Variants in PARD3B observed in about 807,000 individuals in gnomAD.
The protein encoded by PARD3B is par-3 family cell polarity regulator beta.
PARD3B carries 103 observed loss-of-function variants against 130.2 expected under a neutral mutation model. The ratio of observed to expected loss-of-function variants is 0.79; its 90% CI spans 0.67 to 0.93. The LOEUF (loss-of-function observed/expected upper bound fraction) is 0.93, where lower values mean the gene tolerates loss of function less well. Ranked by LOEUF, PARD3B falls within the 40% of genes least tolerant of loss-of-function variation. PARD3B has a pLI of 0.00. For synonymous variants in PARD3B, 583 were observed against 553.2 expected (o/e 1.05, Z -0.76); for missense variants, 1,609 against 1,499.2 (o/e 1.07, Z -1.21).
chr2:205,577,758 G>A (rs1304581349), intron 22 of PARD3B, among the ~76,000 whole-genome samples: 2 of 152,164 alleles, frequency 1.3e-5, no homozygotes, highest in Non-Finnish European at 2.9e-5. Context: ...GTCTCCAAGA[G>A]TGTTCAAGTC....
intron 4 of PARD3B, among the ~76,000 whole-genome samples, chr2:205,080,228 T>C (rs1277566249): frequency 6.6e-6 from 1 of 152,168 alleles, no homozygotes; most frequent in African/African-American, 2.4e-5. Flanking sequence ...TTTTCTTGAT[T>C]TGTCAACTTT....
chr2:205,134,449 A>G (rs1487919297), intron 10 of PARD3B, among the ~76,000 whole-genome samples: 1 of 151,466 alleles, frequency 6.6e-6, no homozygotes, highest in Non-Finnish European at 1.5e-5. Context: ...ATCTGAGCCT[A>G]GAGAAGTAGA....
At chr2:204,567,773 T>C (rs891110558) in intron 1 of PARD3B, among the ~76,000 whole-genome samples, 4 of 152,324 alleles carry the variant, frequency 2.6e-5, no homozygotes, top group African/African-American at 9.6e-5. Context: ...TGTTTTATTT[T>C]TTGAGGAATC....
intron 4 of PARD3B, chr2:205,048,551 A>G (rs1186480140): frequency 6.6e-6 from 1 of 152,190 alleles, no homozygotes; most frequent in Admixed American, 6.5e-5. Context: ...AAAATTCCCT[A>G]AAAGCAAGAC....
intron 21 of PARD3B, among the ~76,000 whole-genome samples, chr2:205,507,241 G>A (rs71427792): frequency 1.3e-5 from 1 of 76,956 alleles, no homozygotes; most frequent in African/African-American, 4.7e-5. Flanking sequence ...TTGAGACAGA[G>A]TCTTGCTCTG....
chr2:204,566,525 A>G (rs2031681258), intron 1 of PARD3B, among the ~76,000 whole-genome samples: 1 of 152,162 alleles, frequency 6.6e-6, no homozygotes, highest in Admixed American at 6.5e-5. Context: ...AAACTACAAC[A>G]ACGTTTGTCT....
At chr2:205,188,245 G>A (rs1273728143) in intron 14 of PARD3B, among the ~76,000 whole-genome samples, 2 of 152,192 alleles carry the variant, frequency 1.3e-5, no homozygotes, top group African/African-American at 4.8e-5. Flanking sequence ...GTGGCGGGAA[G>A]GGCAATTTAG....
intron 4 of PARD3B, among the ~76,000 whole-genome samples, chr2:205,075,557 A>G (rs1454822732): frequency 6.6e-6 from 1 of 151,770 alleles, no homozygotes; most frequent in East Asian, 1.9e-4. Flanking sequence ...CTTCAAGAAG[A>G]CAAGAAATTT....
chr2:205,054,426 A>ACT (rs1699471919), intron 4 of PARD3B, among the ~76,000 whole-genome samples: 5 of 23,810 alleles, frequency 2.1e-4, no homozygotes, highest in African/African-American at 2.8e-4. Flanking sequence ...ATATATATAT[A>ACT]TATATATATA....
At chr2:205,112,668 T>A (rs948298151) in intron 5 of PARD3B, among the ~76,000 whole-genome samples, 2 of 152,112 alleles carry the variant, frequency 1.3e-5, no homozygotes, top group African/African-American at 4.8e-5. Flanking sequence ...CAGTTATTAT[T>A]TATAATCTTT....
chr2:205,005,081 CCT>C (rs1695146316), intron 3 of PARD3B, among the ~76,000 whole-genome samples: 1 of 151,974 alleles, frequency 6.6e-6, no homozygotes, highest in Middle Eastern at 3.2e-3. Flanking sequence ...CTGCTTCCTC[CCT>C]GTCTCATCCC....
intron 2 of PARD3B, among the ~76,000 whole-genome samples, chr2:204,854,332 T>C (rs2044832261): frequency 6.6e-6 from 1 of 151,970 alleles, no homozygotes; most frequent in African/African-American, 2.4e-5. Context: ...ATAGGTGAGG[T>C]AGAAGTGATG....
chr2:205,573,348 CTGGAACAACTGGGTGGCTGGA>C (rs1171144517), intron 22 of PARD3B, among the ~76,000 whole-genome samples: 8 of 152,076 alleles, frequency 5.3e-5, no homozygotes, highest in African/African-American at 1.4e-4. Flanking sequence ...TGGAGCCAGG[CTGGAACAACTGGGTGGCTGGA>C]GGTGCCATTC....
chr2:205,357,460 A>G (rs2044237027), intron 18 of PARD3B, among the ~76,000 whole-genome samples: 1 of 152,214 alleles, frequency 6.6e-6, no homozygotes, highest in Admixed American at 6.5e-5. Context: ...AACAGTCGAC[A>G]TGGGTGCAGA....
At chr2:204,939,462 T>C (rs10199902) in intron 2 of PARD3B, among the ~76,000 whole-genome samples, 4,689 of 152,284 alleles carry the variant, frequency 0.031, 99 homozygotes, top group African/African-American at 0.054. Context: ...GGACAATGTG[T>C]TACAGAAGGC....
chr2:204,657,547 T>C (rs1355077857), intron 1 of PARD3B, among the ~76,000 whole-genome samples: 1 of 152,092 alleles, frequency 6.6e-6, no homozygotes, highest in Non-Finnish European at 1.5e-5. Flanking sequence ...TAATTCCTGC[T>C]AGAGAAACCA....
rs1202879174 is a variant in PARD3B, at chr2:205,321,062, C to T, written c.2630+19361C>T. On this transcript the variant is annotated intron_variant, in intron 18 of 22. Coordinates refer to ENST00000406610, the MANE Select transcript of PARD3B (RefSeq NM_001302769.2). The surrounding 1 kb of genome is among the most constrained non-coding windows in gnomAD (Gnocchi z 4.2). The stretch of plus-strand genomic sequence containing the variant: ...CTACCTTCTCTGAAAATCTTGCTTT[C>T]TAGCCTAACAATCTGCTTAGGAAGT... 6.6e-6 allele frequency among the ~76,000 whole-genome samples: 1 copy of T among 152,122 alleles called. No homozygotes were observed. The highest frequency in any genetic ancestry group is 2.4e-5 in the African/African-American group (1 of 41,422).
chr2:204,559,701 G>T (rs1272671399), intron 1 of PARD3B, among the ~76,000 whole-genome samples: 1 of 152,186 alleles, frequency 6.6e-6, no homozygotes, highest in Non-Finnish European at 1.5e-5. Flanking sequence ...TATACCCAAA[G>T]GATTATAAAT....
intron 21 of PARD3B, among the ~76,000 whole-genome samples, chr2:205,526,031 T>C (rs892969347): frequency 2.6e-5 from 4 of 152,222 alleles, no homozygotes; most frequent in Non-Finnish European, 4.4e-5. Context: ...GGCTGCTGTC[T>C]CCAGTACCCC....
Sources: gnomAD v4.1 joint callset for allele counts (sites outside exome capture counted in the v4.1 genomes callset) on GRCh38, gnomAD v4.1.1 for gene constraint, Gnocchi (gnomAD v3.1) non-coding constraint, MANE v1.5 for transcripts, NCBI Gene and HGNC (gene_info 2026-07-23, HGNC 2026-07-21) for gene names.